LPP: variants seen among roughly 807,000 people sequenced by gnomAD.
The protein encoded by LPP is lipoma-preferred partner.
A neutral mutation model predicts 60.4 loss-of-function variants in LPP; 38 were observed. The observed-to-expected ratio is 0.63, with a 90% CI of 0.49 to 0.83. LPP has a LOEUF of 0.83. Among genes scored for constraint, LPP ranks in the 40% least tolerant of loss-of-function variants. The pLI, the probability that LPP is intolerant of heterozygous loss-of-function variation, is 0.00. For synonymous variants in LPP, 328 were observed against 290.8 expected (o/e 1.13, Z -1.30); for missense variants, 902 against 783.6 (o/e 1.15, Z -1.80).
chr3:188,186,686 C>G (rs545105351), intron 1 of LPP, among the ~76,000 whole-genome samples: 1 of 152,018 alleles, frequency 6.6e-6, no homozygotes. Flanking sequence ...ATTTCCTGTC[C>G]CATCTCTTCC....
At chr3:188,793,175 T>C (rs933591283) in intron 9 of LPP, among the ~76,000 whole-genome samples, 1 of 128,494 alleles carries the variant, frequency 7.8e-6, no homozygotes, top group African/African-American at 2.9e-5. Flanking sequence ...CCTCCCTTTC[T>C]CATTTATCCT....
chr3:188,831,572 T>C (rs1012934649), intron 9 of LPP, among the ~76,000 whole-genome samples: 1 of 152,238 alleles, frequency 6.6e-6, no homozygotes, highest in Non-Finnish European at 1.5e-5. Context: ...GAGATAACCC[T>C]GCAGGCCTGG....
intron 9 of LPP, among the ~76,000 whole-genome samples, chr3:188,795,170 T>G (rs1234169251): frequency 6.6e-6 from 1 of 151,968 alleles, no homozygotes; most frequent in Admixed American, 6.6e-5. Context: ...AGAAGTAAAT[T>G]TGATTAATGA....
chr3:188,427,966 A>G (rs1338307071), intron 4 of LPP, among the ~76,000 whole-genome samples: 2 of 151,870 alleles, frequency 1.3e-5, no homozygotes, highest in East Asian at 1.9e-4. Context: ...GTATGAAAAA[A>G]CAAAGTCCTG....
At chr3:188,801,975 C>A (rs1057258618) in intron 9 of LPP, among the ~76,000 whole-genome samples, 2 of 152,068 alleles carry the variant, frequency 1.3e-5, no homozygotes, top group Admixed American at 6.5e-5. Flanking sequence ...AGCATATTCC[C>A]GTATCATGTA....
At chr3:188,181,877 T>G (rs1464802281) in intron 1 of LPP, among the ~76,000 whole-genome samples, 1 of 152,148 alleles carries the variant, frequency 6.6e-6, no homozygotes, top group Non-Finnish European at 1.5e-5. Flanking sequence ...TGCACGCCAC[T>G]GCACCTGGCC....
chr3:188,462,542 C>A (rs1435990941), intron 4 of LPP, among the ~76,000 whole-genome samples: 6 of 64,288 alleles, frequency 9.3e-5, no homozygotes, highest in African/African-American at 3.0e-4. Context: ...TTTATATGAG[C>A]TTTATATATA....
chr3:188,361,510 CCCTCT>C (rs1335595790), intron 3 of LPP, among the ~76,000 whole-genome samples: 9,644 of 82,556 alleles, frequency 0.12, 1,666 homozygotes, highest in African/African-American at 0.37. Flanking sequence ...TTTTCCTTTT[CCCTCT>C]CCTCTCCTCT....
At chr3:188,222,932 G>T (rs7618015) in intron 1 of LPP, among the ~76,000 whole-genome samples, 2,531 of 152,224 alleles carry the variant, frequency 0.017, 65 homozygotes, top group African/African-American at 0.055. Flanking sequence ...AAAAATACAG[G>T]TGGAAAATCA....
rs145628445 is a variant in LPP, at chr3:188,194,471, C to T, written c.-189-30934C>T. 8.9e-4 allele frequency among the ~76,000 whole-genome samples: 135 copies of T among 152,294 alleles called. 1 individual carries two copies. The Middle Eastern group carries it at 0.017, about 19-fold the overall frequency. On this transcript the variant is annotated intron_variant, in intron 1 of 11. Coordinates refer to ENST00000617246, the MANE Select transcript of LPP (RefSeq NM_001375462.1). ...ACCATACCATCTCCCAGGCTCACTC[C>T]GTCCTGCCCAATCTGTTTACATCTC...
intron 7 of LPP, among the ~76,000 whole-genome samples, chr3:188,611,561 GAAC>G (rs1843722514): frequency 6.6e-6 from 1 of 152,196 alleles, no homozygotes; most frequent in South Asian, 2.1e-4. Flanking sequence ...TTTTAGGTCA[GAAC>G]AACTGCTGTC....
intron 8 of LPP, among the ~76,000 whole-genome samples, chr3:188,713,922 C>T (rs1216020486): frequency 6.6e-6 from 1 of 151,886 alleles, no homozygotes; most frequent in African/African-American, 2.4e-5. Flanking sequence ...TATTTTTTAC[C>T]AGACATACAC....
chr3:188,822,221 C>G (rs1479723954), intron 9 of LPP, among the ~76,000 whole-genome samples: 1 of 151,966 alleles, frequency 6.6e-6, no homozygotes, highest in South Asian at 2.1e-4. Context: ...GATGACGGGG[C>G]TCTTTGAAGT....
chr3:188,777,628 A>G (rs1275649480), intron 9 of LPP, among the ~76,000 whole-genome samples: 6 of 152,122 alleles, frequency 3.9e-5, no homozygotes, highest in African/African-American at 1.4e-4. Context: ...CTTTTCACGT[A>G]GATTATGAGT....
chr3:188,263,241 A>G (rs1375715673), intron 2 of LPP, among the ~76,000 whole-genome samples: 2 of 152,206 alleles, frequency 1.3e-5, no homozygotes, highest in African/African-American at 4.8e-5. Context: ...TAACAATGAC[A>G]CAGTGATTTA....
rs944750242 is a variant in LPP, at chr3:188,884,388, A to G, written c.*9909A>G. On this transcript the variant is annotated 3_prime_UTR_variant, in exon 12 of 12. Transcript: ENST00000617246. Reference sequence around the variant, plus strand: ...AGTCATCCAGGGAAATTCAGAGACCAATTGACTGCCAGGTGGCAAATCCAC... The same window carrying G: ...AGTCATCCAGGGAAATTCAGAGACCGATTGACTGCCAGGTGGCAAATCCAC... The G allele has an allele frequency of 4.3e-6, 1 of 230,320 alleles. No homozygotes were observed. The highest frequency in any genetic ancestry group is 2.2e-5 in the African/African-American group (1 of 45,162). 14.3% of individuals were successfully genotyped at this position (230,320 alleles called of 1,614,324 possible). A position where few individuals can be genotyped will look rare whatever the true frequency, so the allele number is the denominator to read the frequency against.
intron 7 of LPP, among the ~76,000 whole-genome samples, chr3:188,690,331 A>G (rs1861829932): frequency 6.6e-6 from 1 of 152,164 alleles, no homozygotes; most frequent in African/African-American, 2.4e-5. Context: ...TGGAGGTTAG[A>G]GCTTGATAAC....
At chr3:188,509,870 G>GTTT (rs1814874170) in intron 5 of LPP, among the ~76,000 whole-genome samples, 1 of 44,156 alleles carries the variant, frequency 2.3e-5, no homozygotes, top group African/African-American at 5.5e-5. Context: ...TTTTTTTTTT[G>GTTT]TTGTTTTTTT....
chr3:188,382,746 G>A (rs537692544), intron 3 of LPP, among the ~76,000 whole-genome samples: 4 of 152,120 alleles, frequency 2.6e-5, no homozygotes, highest in Non-Finnish European at 5.9e-5. Flanking sequence ...TGTTGTTGTT[G>A]TTCCTTTTGT....
Sources: allele counts gnomAD v4.1 joint callset (sites outside exome capture counted in the v4.1 genomes callset), GRCh38; gene constraint gnomAD v4.1.1; transcripts MANE v1.5; gene names NCBI Gene and HGNC (gene_info 2026-07-23, HGNC 2026-07-21).